Variants in KANSL1L observed in about 807,000 individuals in gnomAD.
KANSL1L encodes the protein KAT8 regulatory NSL complex subunit 1 like.
KANSL1L carries 25 observed loss-of-function variants against 108.6 expected under a neutral mutation model. The observed-to-expected ratio is 0.23, with a 90% CI of 0.17 to 0.32. The LOEUF (loss-of-function observed/expected upper bound fraction) is 0.32, where lower values mean the gene tolerates loss of function less well. Ranked by LOEUF, KANSL1L falls within the 10% of genes least tolerant of loss-of-function variation. The pLI is 1.00. For missense variants in KANSL1L, 1,137 were observed against 1,125.7 expected, an observed-to-expected ratio of 1.01 and a Z score of -0.14; for synonymous variants, 405 against 395.1, an observed-to-expected ratio of 1.03 and a Z score of -0.30.
rs1437652898 is a variant in KANSL1L, at chr2:210,112,896, T to C, written c.1231-8595A>G. Among the ~76,000 whole-genome samples the C allele has an allele frequency of 2.6e-5, 4 of 152,290 alleles. No individual in the cohort carries two copies. In the East Asian group the frequency reaches 7.7e-4, roughly 29 times the overall value. On this transcript the variant is annotated intron_variant, in intron 3 of 14. Coordinates refer to ENST00000281772, the MANE Select transcript of KANSL1L (RefSeq NM_152519.4). Reference sequence around the variant, plus strand: ...TCAAAGGGCAGGCTTGGACAGTAAATGTGCAGTTAATTTTCATCAATTTTA... The same window carrying C: ...TCAAAGGGCAGGCTTGGACAGTAAACGTGCAGTTAATTTTCATCAATTTTA...
chr2:210,024,343 G>T (rs1017585731), intron 13 of KANSL1L, 142 bp from the exon 14 acceptor site: 7 of 501,348 alleles, frequency 1.4e-5, no homozygotes, highest in Non-Finnish European at 2.1e-5. Context: ...AATTCCCCTG[G>T]TGCTATTTAT....
At chr2:210,038,814 A>G (rs2094135106) in intron 8 of KANSL1L, among the ~76,000 whole-genome samples, 1 of 151,920 alleles carries the variant, frequency 6.6e-6, no homozygotes, top group Admixed American at 6.5e-5. Context: ...TGGCTCTTTT[A>G]TTACTCAACT....
chr2:210,159,789 C>G (rs574358401), intron 1 of KANSL1L, among the ~76,000 whole-genome samples: 1 of 152,316 alleles, frequency 6.6e-6, no homozygotes, highest in Admixed American at 6.5e-5. Flanking sequence ...CGGTGGCTCA[C>G]GCCTATAATC....
In KANSL1L at chr2:210,057,120, G is replaced by A. The variant is rs117580022; in HGVS notation, c.1756-13016C>T. Among the ~76,000 whole-genome samples the A allele has an allele frequency of 7.4e-4, 112 of 152,284 alleles. 2 individuals carry two copies. The East Asian group carries it at 0.021, about 28-fold the overall frequency. ...AAATTATGTTGTTTAAGATCTGGTG[G>A]GCTGGGTGTGGTATTTCACACCTGT... On this transcript the variant is annotated intron_variant, in intron 6 of 14. Coordinates refer to ENST00000281772, the MANE Select transcript of KANSL1L (RefSeq NM_152519.4).
chr2:210,126,673 C>G (rs1371659883), intron 3 of KANSL1L, among the ~76,000 whole-genome samples: 1 of 152,054 alleles, frequency 6.6e-6, no homozygotes, highest in Non-Finnish European at 1.5e-5. Context: ...AAAATTTTAG[C>G]TGGGCTTGGT....
intron 3 of KANSL1L, among the ~76,000 whole-genome samples, chr2:210,122,232 C>T (rs1471858031): frequency 6.6e-6 from 1 of 152,050 alleles, no homozygotes; most frequent in Non-Finnish European, 1.5e-5. Flanking sequence ...CTAAAGCTGT[C>T]CTGAGCATAA....
intron 6 of KANSL1L, among the ~76,000 whole-genome samples, chr2:210,064,521 A>T (rs1310138136): frequency 1.3e-5 from 2 of 152,112 alleles, no homozygotes; most frequent in Non-Finnish European, 2.9e-5. Context: ...GCTCTAGTAG[A>T]AAAATTAGGC....
At chr2:210,097,255 A>T in intron 5 of KANSL1L, 4 of 962,076 alleles carry the variant, frequency 4.2e-6, no homozygotes, top group Non-Finnish European at 4.9e-6. Flanking sequence ...TTTGATGGCT[A>T]CTTAGCATAA....
chr2:210,089,657 CACT>C (rs1225553975), intron 5 of KANSL1L, among the ~76,000 whole-genome samples: 1 of 151,394 alleles, frequency 6.6e-6, no homozygotes, highest in African/African-American at 2.4e-5. Context: ...ATTATAAAAA[CACT>C]ACAATTGATT....
chr2:210,132,932 C>G (rs1250625155), intron 2 of KANSL1L, among the ~76,000 whole-genome samples: 1 of 152,112 alleles, frequency 6.6e-6, no homozygotes, highest in African/African-American at 2.4e-5. Context: ...CCATCTGAGC[C>G]ACAAGTTTTC....
At chr2:210,103,140 A>C (rs1253959567) in intron 4 of KANSL1L, among the ~76,000 whole-genome samples, 1 of 152,218 alleles carries the variant, frequency 6.6e-6, no homozygotes, top group East Asian at 1.9e-4. Flanking sequence ...TGTAGCCATA[A>C]AAAAGGATGA....
chr2:210,147,238 T>C (rs948123332), intron 2 of KANSL1L, among the ~76,000 whole-genome samples: 1 of 152,210 alleles, frequency 6.6e-6, no homozygotes, highest in African/African-American at 2.4e-5. Flanking sequence ...GGCAGGAAGA[T>C]AGCTTAAGGC....
intron 1 of KANSL1L, among the ~76,000 whole-genome samples, chr2:210,161,116 G>A (rs958522140): frequency 2.0e-5 from 3 of 151,262 alleles, no homozygotes; most frequent in Non-Finnish European, 4.4e-5. Flanking sequence ...AGCCTCCCAA[G>A]TAGCTGGGAT....
chr2:210,143,699 CA>C (rs1390533231), intron 2 of KANSL1L, among the ~76,000 whole-genome samples: 1 of 152,106 alleles, frequency 6.6e-6, no homozygotes, highest in Non-Finnish European at 1.5e-5. Context: ...GAGTCTATTT[CA>C]AGCTGATAAT....
chr2:210,023,174 C>CAAAG lies in KANSL1L; in HGVS notation c.2735_2738dup (p.Leu913PhefsTer14), dbSNP rs780575030. On this transcript the variant is annotated frameshift_variant, in exon 15 of 15. Coordinates refer to ENST00000281772, the MANE Select transcript of KANSL1L (RefSeq NM_152519.4). LOFTEE classifies it high-confidence loss of function. ...GTGGAAAAGCCCGTCGTTCCCACCA[C>CAAAG]AAAGACTGAAAGGGGAAAAATTTTC... is the stretch of plus-strand genomic sequence containing the variant. 196 of 1,613,390 alleles carry CAAAG rather than the reference C, an allele frequency of 1.2e-4. No individual in the cohort carries two copies. Among genetic ancestry groups the CAAAG allele is most frequent in the Non-Finnish European group, 1.5e-4 (175 of 1,179,632 alleles).
At chr2:210,053,404 C>G (rs969155631) in intron 6 of KANSL1L, among the ~76,000 whole-genome samples, 4 of 152,062 alleles carry the variant, frequency 2.6e-5, no homozygotes, top group Admixed American at 6.5e-5. Context: ...CGAGACCAGC[C>G]TGGCCAACAT....
chr2:210,104,043 A>C (rs2094822173), intron 4 of KANSL1L, 61 bp downstream of exon 4: 2 of 1,280,910 alleles, frequency 1.6e-6, no homozygotes. Context: ...GTTTATTTGA[A>C]TAGTTTACAA....
intron 8 of KANSL1L, among the ~76,000 whole-genome samples, chr2:210,034,765 G>A (rs1378881633): frequency 6.6e-6 from 1 of 152,184 alleles, no homozygotes; most frequent in African/African-American, 2.4e-5. Context: ...GGAAGTGTGG[G>A]TGACAAAGAC....
chr2:210,022,590 G>A lies in KANSL1L; in HGVS notation c.*359C>T. On this transcript the variant is annotated 3_prime_UTR_variant, in exon 15 of 15. Transcript: ENST00000281772. Reference sequence around the variant, plus strand: ...TATATAAAAAAATAGCTGTCACTTGGCACACAGGTTTGTATGTATGTGTAT... The same window carrying A: ...TATATAAAAAAATAGCTGTCACTTGACACACAGGTTTGTATGTATGTGTAT... 1 of 178,676 alleles carries A rather than the reference G, an allele frequency of 5.6e-6. No individual in the cohort carries two copies. The highest frequency in any genetic ancestry group is 1.2e-5 in the Non-Finnish European group (1 of 84,304). 11.1% of individuals were successfully genotyped at this position (178,676 alleles called of 1,614,324 possible). A position where few individuals can be genotyped will look rare whatever the true frequency, so the allele number is the denominator to read the frequency against.
Sources: gnomAD v4.1 joint callset for allele counts (sites outside exome capture counted in the v4.1 genomes callset) on GRCh38, gnomAD v4.1.1 for gene constraint, MANE v1.5 for transcripts, NCBI Gene and HGNC (gene_info 2026-07-23, HGNC 2026-07-21) for gene names.